RP1: variants seen among roughly 807,000 people sequenced by gnomAD.
The protein encoded by RP1 is oxygen-regulated protein 1.
A neutral mutation model predicts 14.8 loss-of-function variants in RP1; 16 were observed. That is an observed-to-expected ratio of 1.08 (90% confidence interval 0.73 to 1.65). RP1 has a LOEUF of 1.65. Among genes scored for constraint, RP1 ranks in the 40% most tolerant of loss-of-function variants. The probability of loss-of-function intolerance (pLI) is 0.00; values close to 1 mark genes in which losing one functional copy is unlikely to be tolerated. For synonymous variants in RP1, 876 were observed against 883.6 expected, an observed-to-expected ratio of 0.99 and a Z score of 0.15; for missense variants, 2,631 against 2,535.0, an observed-to-expected ratio of 1.04 and a Z score of -0.81.
At chr8:54,825,017 T>TA (rs1056159762) in intron 24 of RP1, among the ~76,000 whole-genome samples, 2 of 151,862 alleles carry the variant, frequency 1.3e-5, no homozygotes, top group African/African-American at 4.8e-5. Context: ...CCAGGCTAGA[T>TA]AGAGTGCAGT....
intron 24 of RP1, among the ~76,000 whole-genome samples, chr8:54,816,691 C>G (rs1811139041): frequency 6.6e-6 from 1 of 152,334 alleles, no homozygotes; most frequent in East Asian, 1.9e-4. Context: ...TGCCATCCTT[C>G]TTTTGCAGAA....
chr8:54,673,744 C>A, intron 7 of RP1: 1 of 709,334 alleles, frequency 1.4e-6, no homozygotes, highest in Non-Finnish European at 2.1e-6. Context: ...TGTCTCAAAA[C>A]AACAACAACA....
intron 18 of RP1, among the ~76,000 whole-genome samples, chr8:54,737,112 T>C (rs925667639): frequency 6.6e-6 from 1 of 152,220 alleles, no homozygotes; most frequent in Non-Finnish European, 1.5e-5. Context: ...TTTATTAAAC[T>C]TGGGTTCAAA....
At position 54,621,409 on chromosome 8, in the gene RP1, G is replaced by A. The variant is rs866545331; in HGVS notation, c.443G>A (p.Gly148Asp). 6.2e-7 allele frequency: 1 copy of A among 1,613,316 alleles called. No individual in the cohort carries two copies. The highest frequency in any genetic ancestry group is 8.5e-7 in the Non-Finnish European group (1 of 1,179,928). The part of the protein sequence containing the change: ...PPHPVAVAAP[G>D]MPRPPRSLVV... The stretch of plus-strand genomic sequence containing the variant: ...CACCCCGTAGCCGTCGCTGCTCCCG[G>A]CATGCCCCGCCCCCCACGGAGCCTA... Residue 148 changes from glycine to aspartate, a missense_variant, in exon 2 of 4, where the codon GGC (glycine) becomes GAC (aspartate). Gly to Asp is a moderately conservative substitution (Grantham distance 94). Coordinates refer to ENST00000220676, the MANE Select transcript of RP1 (RefSeq NM_006269.2).
At chr8:54,819,130 G>C (rs112895692) in intron 24 of RP1, among the ~76,000 whole-genome samples, 1,825 of 151,672 alleles carry the variant, frequency 0.012, 32 homozygotes, top group African/African-American at 0.042. Flanking sequence ...CTATTTTCTG[G>C]ATCCTGTAGG....
intron 28 of RP1, among the ~76,000 whole-genome samples, chr8:54,866,909 A>G (rs541153864): frequency 1.3e-5 from 2 of 152,312 alleles, no homozygotes; most frequent in South Asian, 4.1e-4. Context: ...TTATCCATCC[A>G]TTTAATATGT....
At chr8:54,798,272 A>G (rs149551770) in intron 24 of RP1, among the ~76,000 whole-genome samples, 3 of 152,120 alleles carry the variant, frequency 2.0e-5, no homozygotes, top group African/African-American at 7.2e-5. Context: ...TCGGCCTCTC[A>G]AAGTGCTGGG....
chr8:54,859,624 G>A (rs555806001), intron 27 of RP1, among the ~76,000 whole-genome samples: 10 of 152,142 alleles, frequency 6.6e-5, no homozygotes, highest in African/African-American at 2.2e-4. Context: ...ACTGTAGGGG[G>A]TGTTACCGTA....
chr8:54,661,255 TAA>T (rs1366185350), intron 6 of RP1, among the ~76,000 whole-genome samples: 12 of 145,090 alleles, frequency 8.3e-5, no homozygotes, highest in Non-Finnish European at 1.8e-4. Flanking sequence ...TAATGATATA[TAA>T]ATGATATATA....
chr8:54,690,520 C>T (rs1807685851), intron 12 of RP1, among the ~76,000 whole-genome samples: 1 of 151,938 alleles, frequency 6.6e-6, no homozygotes, highest in African/African-American at 2.4e-5. Flanking sequence ...TTGTCTGGTT[C>T]AGCCCCCTTT....
chr8:54,669,100 A>G (rs866059445), intron 7 of RP1, among the ~76,000 whole-genome samples: 2 of 152,196 alleles, frequency 1.3e-5, no homozygotes, highest in South Asian at 4.1e-4. Context: ...CACCTACAGA[A>G]TGGGAGAAAA....
intron 27 of RP1, among the ~76,000 whole-genome samples, chr8:54,865,135 CT>C (rs1213104960): frequency 6.6e-6 from 1 of 151,926 alleles, no homozygotes; most frequent in African/African-American, 2.4e-5. Flanking sequence ...TTAAATTATG[CT>C]TTTTAACCTT....
intron 16 of RP1, among the ~76,000 whole-genome samples, chr8:54,725,308 CCTTT>C (rs1190541378): frequency 6.6e-6 from 1 of 151,766 alleles, no homozygotes; most frequent in Non-Finnish European, 1.5e-5. Context: ...TTTTAAAGTT[CCTTT>C]ATTATCGATT....
intron 1 of RP1, among the ~76,000 whole-genome samples, chr8:54,576,288 G>A (rs1261816362): frequency 4.0e-5 from 6 of 151,666 alleles, no homozygotes; most frequent in Admixed American, 2.0e-4. Context: ...TTCGTGATCC[G>A]CCCGCCTCGG....
intron 1 of RP1, among the ~76,000 whole-genome samples, chr8:54,567,949 G>A (rs1804441770): frequency 6.6e-6 from 1 of 152,202 alleles, no homozygotes; most frequent in Non-Finnish European, 1.5e-5. Flanking sequence ...ATGAAAAGCA[G>A]ACACATATAT....
chr8:54,708,716 ATT>A lies in RP1; in HGVS notation c.2211+2074_2211+2075del, dbSNP rs55828552. On this transcript the variant is annotated intron_variant, in intron 15 of 22. Transcript: ENST00000636932. ...CTGTATGCCTCTCTCTGACTCTTCC[ATT>A]TTTTTTTTTTTTCTCAGTGTGCTGG... Among the ~76,000 whole-genome samples the A allele has an allele frequency of 1.7e-3, 244 of 139,982 alleles. 1 individual carries two copies. The highest frequency in any genetic ancestry group is 0.012 in the South Asian group (52 of 4,344). 91.8% of individuals were successfully genotyped at this position (139,982 alleles called of 152,430 possible). A position where few individuals can be genotyped will look rare whatever the true frequency, so the allele number is the denominator to read the frequency against.
intron 1 of RP1, among the ~76,000 whole-genome samples, chr8:54,584,545 C>G (rs979503295): frequency 6.6e-6 from 1 of 152,180 alleles, no homozygotes; most frequent in African/African-American, 2.4e-5. Flanking sequence ...AGTTCAGTTC[C>G]TGGATATCCT....
chr8:54,850,088 A>G (rs989051295), intron 25 of RP1, among the ~76,000 whole-genome samples: 13 of 152,204 alleles, frequency 8.5e-5, no homozygotes, highest in Admixed American at 8.5e-4. Flanking sequence ...CATGATAAAA[A>G]GAAATTTTAA....
intron 21 of RP1, chr8:54,755,775 G>A: frequency 6.8e-7 from 1 of 1,466,984 alleles, no homozygotes; most frequent in Non-Finnish European, 9.0e-7. Flanking sequence ...GGACAGGTGA[G>A]TCTATACAAA....
Sources: allele counts gnomAD v4.1 joint callset (sites outside exome capture counted in the v4.1 genomes callset), GRCh38; gene constraint gnomAD v4.1.1; transcripts MANE v1.5; gene names NCBI Gene and HGNC (gene_info 2026-07-23, HGNC 2026-07-21).